The following RCOR2 variants were observed in gnomAD, a reference collection of about 807,000 sequenced individuals.
RCOR2 encodes REST corepressor 2.
Under a neutral mutation model 58.9 loss-of-function variants are expected in RCOR2, and 19 were observed. That is an observed-to-expected ratio of 0.32 (90% confidence interval 0.23 to 0.47). The LOEUF (loss-of-function observed/expected upper bound fraction) is 0.47, where lower values mean the gene tolerates loss of function less well. Among genes scored for constraint, RCOR2 ranks in the 20% least tolerant of loss-of-function variants. The pLI is 1.00. For missense variants in RCOR2, 590 were observed against 707.9 expected, an observed-to-expected ratio of 0.83 and a Z score of 1.89; for synonymous variants, 286 against 278.7, an observed-to-expected ratio of 1.03 and a Z score of -0.26.
chr11:63,911,662 G>T lies in RCOR2; in HGVS notation c.*203C>A. On this transcript the variant is annotated 3_prime_UTR_variant, in exon 12 of 12. Transcript: ENST00000301459. ...CTCAGGCCAGCTCAAAGGCCCCTGA[G>T]CCCGGCCATGGCCCCAGGAGACAGG... 1.2e-6 allele frequency: 1 copy of T among 804,614 alleles called. No individual in the cohort carries two copies. The highest frequency in any genetic ancestry group is 1.8e-6 in the Non-Finnish European group (1 of 568,064). 49.8% of individuals were successfully genotyped at this position (804,614 alleles called of 1,614,324 possible). A position where few individuals can be genotyped will look rare whatever the true frequency, so the allele number is the denominator to read the frequency against.
Position 63,914,972 on chromosome 11 carries a change from G to A in RCOR2, c.266-18C>T. The stretch of plus-strand genomic sequence containing the variant: ...CTTGTCAACTGCAGGGGCAGCAGGG[G>A]CAGGGTCTTGGTGAAGGGGGTTATA... On this transcript the variant is annotated intron_variant, in intron 3 of 11. Coordinates refer to ENST00000301459, the MANE Select transcript of RCOR2 (RefSeq NM_173587.4). The A allele has an allele frequency of 2.5e-6, 4 of 1,613,804 alleles. No individual in the cohort carries two copies. The highest frequency in any genetic ancestry group is 2.2e-5 in the South Asian group (2 of 91,090).
At position 63,914,337 on chromosome 11, in the gene RCOR2, A is replaced by G; in HGVS notation, c.606-7T>C. The G allele has an allele frequency of 6.2e-7, 1 of 1,613,452 alleles. No homozygotes were observed. Among genetic ancestry groups the G allele is most frequent in the Non-Finnish European group, 8.5e-7 (1 of 1,179,994 alleles). ...ACCCTCTTCGAGCTCATCACTGCTGACACAGGGGCCAGGGAGGGAATGAGG... is the reference window on the plus strand; with the variant it reads ...ACCCTCTTCGAGCTCATCACTGCTGGCACAGGGGCCAGGGAGGGAATGAGG... On this transcript the variant is annotated splice_polypyrimidine_tract_variant and splice_region_variant and intron_variant, in intron 6 of 11. Transcript: ENST00000301459.
chr11:63,912,177 G>T lies in RCOR2; in HGVS notation c.1260C>A (p.Val420=), dbSNP rs1395642074. ...CGGACGTGGAGACCGATGTAATCTGGACCTGAGGGGAGAGGAAAGAGTGAG... is the reference window on the plus strand; with the variant it reads ...CGGACGTGGAGACCGATGTAATCTGTACCTGAGGGGAGAGGAAAGAGTGAG... ...PAPALEEDDE[V]QITSVSTSVP... is the part of the protein sequence containing the mutation. The change falls in exon 12 of 12, where the codon GTC becomes GTA. Residue 420 remains valine (V), a splice_region_variant and synonymous_variant. Coordinates refer to ENST00000301459, the MANE Select transcript of RCOR2 (RefSeq NM_173587.4). 1 of 1,562,660 alleles carries T rather than the reference G, an allele frequency of 6.4e-7. No homozygotes were observed.
chr11:63,916,429 C>T lies in RCOR2; in HGVS notation c.28G>A (p.Ala10Thr). Reference protein sequence around the residue: MPSVMEKPSAGSGILSRSRA... With the variant: MPSVMEKPSTGSGILSRSRA... ...CTACGGGACAGGATCCCAGAGCCCG[C>T]GCTCGGCTTCTCCATCACTGAGGGC... The change falls in exon 1 of 12, where the codon GCG becomes ACG. Residue 10 changes from alanine to threonine, a missense_variant. This residue lies in a region of RCOR2 where 390 missense variants were observed against 478.7 expected (regional missense o/e 0.81). Transcript: ENST00000301459. The T allele has an allele frequency of 6.2e-7, 1 of 1,607,574 alleles. No individual in the cohort carries two copies. Among genetic ancestry groups the T allele is most frequent in the Non-Finnish European group, 8.5e-7 (1 of 1,177,906 alleles).
At position 63,911,739 on chromosome 11, in the gene RCOR2, G is replaced by A. The variant is rs756068600; in HGVS notation, c.*126C>T. 25 of 1,369,544 alleles carry A rather than the reference G, an allele frequency of 1.8e-5. No homozygotes were observed. Among genetic ancestry groups the A allele is most frequent in the South Asian group, 3.6e-5 (2 of 56,336 alleles). The allele number at this position is 1,369,544 out of a possible 1,614,324, so 84.8% of individuals were successfully genotyped here. On this transcript the variant is annotated 3_prime_UTR_variant, in exon 12 of 12. Transcript: ENST00000301459. Reference sequence around the variant, plus strand: ...CCCAAAGGGCGGGGCTGGGCTGTCCGAAACTCTGGTCTTACAAAGACCCCG... The same window carrying A: ...CCCAAAGGGCGGGGCTGGGCTGTCCAAAACTCTGGTCTTACAAAGACCCCG...
chr11:63,919,981 G>T (rs904885397), upstream of RCOR2, among the ~76,000 whole-genome samples: 3 of 152,218 alleles, frequency 2.0e-5, no homozygotes, highest in East Asian at 1.9e-4. Context: ...GCCAGAAAAG[G>T]CTCCTCACCC....
chr11:63,916,202 G>A (rs1311859066), intron 1 of RCOR2, 128 bp downstream of exon 1: 7 of 882,960 alleles, frequency 7.9e-6, no homozygotes, highest in South Asian at 1.7e-5. Flanking sequence ...AAGCAACGCA[G>A]AGGCTCCAAT....
At chr11:63,927,759 C>T in the RCOR2 span, among the ~76,000 whole-genome samples, 2 of 47,484 alleles carry the variant, frequency 4.2e-5, no homozygotes, top group East Asian at 1.4e-3. Context: ...CTGCTCCCAG[C>T]TCCCTAACAG....
At chr11:63,918,084 C>A (rs886592224), upstream of RCOR2, among the ~76,000 whole-genome samples, 8 of 152,192 alleles carry the variant, frequency 5.3e-5, no homozygotes. Context: ...GCCCGGGGCA[C>A]GTGCTGCAGC....
At chr11:63,922,354 T>A in the RCOR2 span, among the ~76,000 whole-genome samples, 1 of 152,122 alleles carries the variant, frequency 6.6e-6, no homozygotes, top group East Asian at 1.9e-4. Flanking sequence ...ACACACATAA[T>A]ACAAATATTT....
At position 63,914,384 on chromosome 11, in the gene RCOR2, AC is replaced by A. The variant is rs375822975; in HGVS notation, c.605+32del. ...GAGGCAGCTGCCAGGAGCTCTACCT[AC>A]CCCCATGCCCAGTGCTTGCTCCTGC... On this transcript the variant is annotated intron_variant, in intron 6 of 11. Transcript: ENST00000301459. 8.0e-4 allele frequency: 1,297 copies of A among 1,612,010 alleles called. 5 individuals are homozygous for A. The African/African-American group carries it at 9.9e-3, about 12-fold the overall frequency.
chr11:63,916,225 G>T (rs2134248722), intron 1 of RCOR2, 105 bp downstream of exon 1: 2 of 1,033,632 alleles, frequency 1.9e-6, no homozygotes, highest in East Asian at 5.3e-5. Flanking sequence ...AGGAGAGGCA[G>T]GAGCCATCAG....
upstream of RCOR2, among the ~76,000 whole-genome samples, chr11:63,918,627 C>G (rs1232244053): frequency 1.3e-5 from 2 of 152,268 alleles, no homozygotes; most frequent in Non-Finnish European, 2.9e-5. Flanking sequence ...TGAGAGTCTT[C>G]CCAGGCCGAC....
At chr11:63,918,132 C>T (rs1005072702), upstream of RCOR2, among the ~76,000 whole-genome samples, 5 of 151,692 alleles carry the variant, frequency 3.3e-5, no homozygotes, top group Non-Finnish European at 7.4e-5. Context: ...GCCCCTCCCA[C>T]CCGGAGCCCC....
intron 8 of RCOR2, among the ~76,000 whole-genome samples, chr11:63,913,180 A>ATTTTTT (rs1161435029): frequency 9.6e-6 from 1 of 104,290 alleles, no homozygotes; most frequent in African/African-American, 3.8e-5. Context: ...ATATATATAT[A>ATTTTTT]TATATTTTTT....
At chr11:63,922,017 G>C (rs1941918225), upstream of RCOR2, among the ~76,000 whole-genome samples, 1 of 152,304 alleles carries the variant, frequency 6.6e-6, no homozygotes, top group African/African-American at 2.4e-5. Flanking sequence ...TATCTCAAGA[G>C]TGGGTTAGTT....
At chr11:63,914,225 A>G in intron 7 of RCOR2, 36 bp downstream of exon 7, 7 of 1,613,410 alleles carry the variant, frequency 4.3e-6, no homozygotes, top group Non-Finnish European at 5.9e-6. Context: ...AGGCAAGAGG[A>G]CAGGCAGGCA....
rs775816114 is a variant in RCOR2, at chr11:63,913,491, A to ATTTTTTTTTTTTTTTT, written c.891+462_891+463insAAAAAAAAAAAAAAAA. 4.7e-5 allele frequency among the ~76,000 whole-genome samples: 6 copies of ATTTTTTTTTTTTTTTT among 126,730 alleles called. 2 individuals are homozygous for ATTTTTTTTTTTTTTTT. The highest frequency in any genetic ancestry group is 3.3e-5 in the Non-Finnish European group (2 of 60,198). 83.1% of individuals were successfully genotyped at this position (126,730 alleles called of 152,430 possible). A position where few individuals can be genotyped will look rare whatever the true frequency, so the allele number is the denominator to read the frequency against. On this transcript the variant is annotated intron_variant, in intron 8 of 11. Transcript: ENST00000301459. ...AGGTATGAGCCACCGTGCTCGGCCT[A>ATTTTTTTTTTTTTTTT]TTTTTTTTTGAGACGGAATCTCACT...
rs1286140815 is a variant in RCOR2 at position 63,913,183 on chromosome 11, TA to T, written c.892-237del. On this transcript the variant is annotated intron_variant, in intron 8 of 11. Transcript: ENST00000301459. ...TTTTTTATATATATATATATATATATATTTTTTTTTTTTTTTTTTTGAGAAG... is the reference window on the plus strand; with the variant it reads ...TTTTTTATATATATATATATATATATTTTTTTTTTTTTTTTTTTTGAGAAG... Among the ~76,000 whole-genome samples, 284 of 75,658 alleles carry T rather than the reference TA, an allele frequency of 3.8e-3. 1 individual carries two copies. The highest frequency in any genetic ancestry group is 0.011 in the South Asian group (23 of 2,014). 49.6% of individuals were successfully genotyped at this position (75,658 alleles called of 152,430 possible). A position where few individuals can be genotyped will look rare whatever the true frequency, so the allele number is the denominator to read the frequency against.
Sources: gnomAD v4.1 joint callset for allele counts (sites outside exome capture counted in the v4.1 genomes callset) on GRCh38, gnomAD v4.1.1 for gene constraint, gnomAD v4.1.1 regional missense constraint, MANE v1.5 for transcripts, NCBI Gene and HGNC (gene_info 2026-07-23, HGNC 2026-07-21) for gene names.